The following CCDC33 variants were observed in gnomAD, a reference collection of about 807,000 sequenced individuals.
CCDC33 encodes coiled-coil domain-containing protein 33.
Under a neutral mutation model 91.9 loss-of-function variants are expected in CCDC33, and 94 were observed. That is an observed-to-expected ratio of 1.02 (90% CI 0.87 to 1.21). The LOEUF is 1.21. Ranked by LOEUF, CCDC33 falls within the 50% of genes most tolerant of loss-of-function variation. CCDC33 has a pLI of 0.00. For synonymous variants in CCDC33, 396 were observed against 374.5 expected (o/e 1.06, Z -0.66); for missense variants, 940 against 935.5 (o/e 1.00, Z -0.06).
In CCDC33 at chr15:74,295,801, C is replaced by G. The variant is rs1035963431; in HGVS notation, c.1143C>G (p.Thr381=). ...LTPNNSKALP[T]LDPKILDKKL... Reference sequence around the variant, plus strand: ...CAAACAACAGCAAGGCTCTTCCTACCTTGGACCCCAAGATCCTGGATAAGA... The same window carrying G: ...CAAACAACAGCAAGGCTCTTCCTACGTTGGACCCCAAGATCCTGGATAAGA... Residue 381 remains threonine, a synonymous_variant, in exon 11 of 19, where the codon ACC becomes ACG. Coordinates refer to ENST00000398814, the MANE Select transcript of CCDC33 (RefSeq NM_025055.5). 11 of 1,614,102 alleles carry G rather than the reference C, an allele frequency of 6.8e-6. No individual in the cohort carries two copies. Among genetic ancestry groups the G allele is most frequent in the African/African-American group, 1.3e-5 (1 of 75,024 alleles).
At chr15:74,209,306 G>A in intron 1 of CCDC33, 1 of 1,451,302 alleles carries the variant, frequency 6.9e-7, no homozygotes, top group African/African-American at 1.4e-5. Context: ...GGGCTTTGAT[G>A]GCTGAGTTTC....
At chr15:74,267,909 G>T (rs959096727) in intron 4 of CCDC33, among the ~76,000 whole-genome samples, 3 of 152,164 alleles carry the variant, frequency 2.0e-5, no homozygotes, top group Admixed American at 1.3e-4. Flanking sequence ...TGGCACCAGG[G>T]GGCTTTACCT....
upstream of CCDC33, among the ~76,000 whole-genome samples, chr15:74,235,202 G>A (rs960999793): frequency 5.3e-5 from 8 of 152,216 alleles, no homozygotes; most frequent in Admixed American, 2.6e-4. Flanking sequence ...GAGAAAATTA[G>A]GAGTGGGGTT....
chr15:74,291,210 G>A (rs1208933709), intron 10 of CCDC33, among the ~76,000 whole-genome samples: 1 of 152,252 alleles, frequency 6.6e-6, no homozygotes, highest in African/African-American at 2.4e-5. Context: ...TGCAGGGGAG[G>A]CAGCAAGCCC....
At chr15:74,272,632 G>C (rs933361655) in intron 6 of CCDC33, 139 bp from the exon 7 acceptor site, 8 of 1,085,086 alleles carry the variant, frequency 7.4e-6, no homozygotes, top group East Asian at 2.5e-5. Context: ...CCCACTTGTC[G>C]TGAGGTCCAG....
In CCDC33 at chr15:74,318,445, A is replaced by C; in HGVS notation, c.1291-11744A>C. The C allele has an allele frequency of 1.3e-4, 64 of 505,830 alleles. No individual in the cohort carries two copies. The Middle Eastern group carries it at 1.5e-3, about 12-fold the overall frequency. 31.3% of individuals were successfully genotyped at this position (505,830 alleles called of 1,614,324 possible). A position where few individuals can be genotyped will look rare whatever the true frequency, so the allele number is the denominator to read the frequency against. On this transcript the variant is annotated intron_variant, in intron 11 of 18. Transcript: ENST00000398814. The stretch of plus-strand genomic sequence containing the variant: ...ATGATTTCAGCCACCCCACCCAGAC[A>C]CCCCCCACCCTGGAACAAAGGGGAA...
At chr15:74,225,745 C>A (rs1211112393) in intron 2 of CCDC33, among the ~76,000 whole-genome samples, 1 of 152,158 alleles carries the variant, frequency 6.6e-6, no homozygotes, top group African/African-American at 2.4e-5. Flanking sequence ...TAAAACCCTG[C>A]GTGAAACCCA....
Position 74,332,754 on chromosome 15 carries a change from TG to T in CCDC33, c.1848del (p.Leu617CysfsTer60). ...GENLPVELYS[V>X]LLAENAKLRT... ...AACCTGCCGGTTGAACTTTACTCGG[TG>T]CTGCTGGCAGAAAACGCGAAGCTGC... On this transcript the variant is annotated frameshift_variant, in exon 16 of 19. Transcript: ENST00000398814. LOFTEE classifies it high-confidence loss of function. The T allele has an allele frequency of 6.2e-7, 1 of 1,614,188 alleles. No individual in the cohort carries two copies. The highest frequency in any genetic ancestry group is 8.5e-7 in the Non-Finnish European group (1 of 1,180,030).
At chr15:74,315,998 A>AC (rs1018071229) in intron 11 of CCDC33, among the ~76,000 whole-genome samples, 8 of 151,698 alleles carry the variant, frequency 5.3e-5, no homozygotes, top group African/African-American at 1.9e-4. Flanking sequence ...GTTTCCTGGG[A>AC]CCCCCTGAAG....
chr15:74,331,059 G>A lies in CCDC33; in HGVS notation c.1624G>A (p.Gly542Ser). 1 of 1,613,594 alleles carries A rather than the reference G, an allele frequency of 6.2e-7. No individual in the cohort carries two copies. Among genetic ancestry groups the A allele is most frequent in the Non-Finnish European group, 8.5e-7 (1 of 1,179,736 alleles). ...PQAALLKQYQGKLQKMKALEE... is the reference protein window; with the variant it reads ...PQAALLKQYQSKLQKMKALEE... ...GGCCGCTCTGCTGAAGCAGTACCAG[G>A]GCAAGCTGCAGAAGATGAAGGCGCT... The change falls in exon 14 of 19, where the codon GGC becomes AGC. Residue 542 changes from glycine to serine, a missense_variant. Physicochemically the swap from Gly to Ser is moderately conservative, Grantham distance 56 (BLOSUM62 0). Transcript: ENST00000398814.
chr15:74,253,234 C>T (rs919853881), intron 2 of CCDC33, among the ~76,000 whole-genome samples: 7 of 152,274 alleles, frequency 4.6e-5, no homozygotes, highest in East Asian at 1.9e-4. Flanking sequence ...ATGGGCAGAG[C>T]GGCTGACAGC....
downstream of CCDC33, chr15:74,336,213 TG>T: frequency 7.0e-7 from 1 of 1,431,632 alleles, no homozygotes; most frequent in South Asian, 1.4e-5. Flanking sequence ...ACTCTGGGCC[TG>T]GGCCTGGGTC....
intron 1 of CCDC33, chr15:74,203,199 A>G (rs926579172): frequency 2.0e-6 from 2 of 976,408 alleles, no homozygotes; most frequent in African/African-American, 3.5e-5. Context: ...CATGTGTCTC[A>G]TTGGTAAACC....
At position 74,217,582 on chromosome 15, in the gene CCDC33, GTA is replaced by G; in HGVS notation, c.310+3_310+4del. 2 of 1,228,766 alleles carry G rather than the reference GTA, an allele frequency of 1.6e-6. No individual in the cohort carries two copies. The highest frequency in any genetic ancestry group is 2.1e-6 in the Non-Finnish European group (2 of 956,598). The allele number at this position is 1,228,766 out of a possible 1,614,324, so 76.1% of individuals were successfully genotyped here. A position where few individuals can be genotyped will look rare whatever the true frequency, so the allele number is the denominator to read the frequency against. ...AAGTTTATCTTTACTTTGCCCAAAG[GTA>G]TGAAGTAGGGGTGGGGTTTGGGGGA... On this transcript the variant is annotated splice_donor_variant and splice_donor_region_variant and intron_variant, in intron 1 of 2. Coordinates refer to the CCDC33 transcript ENST00000635913. LOFTEE classifies it high-confidence loss of function.
Position 74,268,425 on chromosome 15 carries a change from C to T in CCDC33, c.513C>T (p.Pro171=), listed in dbSNP as rs772674482. ...TCGTTCGGAAGAGCAGCTTCATACC[C>T]CGCTACATCGGCTGCAACCACATGG... is the stretch of plus-strand genomic sequence containing the variant. ...ATVVRKSSFI[P]RYIGCNHMAL... The change falls in exon 5 of 19, where the codon CCC becomes CCT. Residue 171 remains proline, a synonymous_variant. Coordinates refer to ENST00000398814, the MANE Select transcript of CCDC33 (RefSeq NM_025055.5). The T allele has an allele frequency of 6.2e-7, 1 of 1,613,662 alleles. No individual in the cohort carries two copies. The highest frequency in any genetic ancestry group is 8.5e-7 in the Non-Finnish European group (1 of 1,179,740).
intron 5 of CCDC33, among the ~76,000 whole-genome samples, chr15:74,269,095 G>T (rs2076247214): frequency 6.6e-6 from 1 of 151,842 alleles, no homozygotes; most frequent in Non-Finnish European, 1.5e-5. Context: ...CACCCCCTAG[G>T]CCAATTAGCA....
At chr15:74,270,730 G>A (rs2076291235) in intron 5 of CCDC33, among the ~76,000 whole-genome samples, 1 of 152,106 alleles carries the variant, frequency 6.6e-6, no homozygotes, top group African/African-American at 2.4e-5. Context: ...AGAGGCGCAT[G>A]GGGACAGACT....
chr15:74,307,520 G>A (rs572158390), intron 11 of CCDC33, among the ~76,000 whole-genome samples: 2 of 152,150 alleles, frequency 1.3e-5, no homozygotes, highest in South Asian at 4.2e-4. Flanking sequence ...GGGGTCTCCA[G>A]CCTAGCACTT....
At chr15:74,315,783 G>A (rs1027174203) in intron 11 of CCDC33, among the ~76,000 whole-genome samples, 1 of 152,232 alleles carries the variant, frequency 6.6e-6, no homozygotes, top group African/African-American at 2.4e-5. Flanking sequence ...CAGAGGTTCT[G>A]AGGCCACAGG....
Sources: allele counts gnomAD v4.1 joint callset (sites outside exome capture counted in the v4.1 genomes callset), GRCh38; gene constraint gnomAD v4.1.1; transcripts MANE v1.5; gene names NCBI Gene and HGNC (gene_info 2026-07-23, HGNC 2026-07-21).